The following TPH1 variants were observed in gnomAD, a reference collection of about 807,000 sequenced individuals.
TPH1 encodes the protein tryptophan 5-hydroxylase 1.
TPH1 carries 37 observed loss-of-function variants against 49.5 expected under a neutral mutation model. The ratio of observed to expected loss-of-function variants is 0.75; its 90% confidence interval spans 0.58 to 0.98. The LOEUF is 0.98. TPH1 is among the 50% of genes least tolerant of loss of function. The probability of loss-of-function intolerance (pLI) is 0.00; values close to 1 mark genes in which losing one functional copy is unlikely to be tolerated. For synonymous variants in TPH1, 160 were observed against 182.1 expected, an observed-to-expected ratio of 0.88 and a Z score of 0.98; for missense variants, 487 against 523.6, an observed-to-expected ratio of 0.93 and a Z score of 0.68.
At chr11:18,032,722 A>G (rs1848004637) in intron 4 of TPH1, among the ~76,000 whole-genome samples, 1 of 150,372 alleles carries the variant, frequency 6.7e-6, no homozygotes, top group Admixed American at 6.6e-5. Context: ...ATTTTTTTGT[A>G]TTTTTAGTAG....
intron 3 of TPH1, among the ~76,000 whole-genome samples, chr11:18,035,125 C>T (rs1006063682): frequency 3.3e-5 from 5 of 152,236 alleles, no homozygotes; most frequent in African/African-American, 1.2e-4. Flanking sequence ...TCCTAACAGG[C>T]CACGGACGAG....
At chr11:18,045,493 A>G (rs1848132760) in intron 1 of TPH1, among the ~76,000 whole-genome samples, 1 of 146,388 alleles carries the variant, frequency 6.8e-6, no homozygotes, top group Admixed American at 6.7e-5. Flanking sequence ...TTTTTTTTTT[A>G]ACTAACAGGC....
In TPH1 at chr11:18,036,081, A is replaced by C. The variant is rs773390432; in HGVS notation, c.179T>G (p.Phe60Cys). The change falls in exon 3 of 11, where the codon TTT becomes TGT. Residue 60 changes from phenylalanine (F) to cysteine (C), a missense_variant. Phe to Cys is a radical substitution (Grantham distance 205). Transcript: ENST00000682019. ...SRKSKRRNSE[F>C]EIFVDCDINR... is the part of the protein sequence containing the mutation. ...GATGTCACAGTCAACAAAAATCTCA[A>C]ATTCTGAGTTTCTTCTTTTTGATTT... 3 of 1,613,338 alleles carry C rather than the reference A, an allele frequency of 1.9e-6. No homozygotes were observed. The highest frequency in any genetic ancestry group is 2.2e-5 in the South Asian group (2 of 91,048).
intron 3 of TPH1, among the ~76,000 whole-genome samples, 159 bp downstream of exon 3, chr11:18,035,800 T>C (rs1006427765): frequency 6.6e-6 from 1 of 152,220 alleles, no homozygotes; most frequent in Non-Finnish European, 1.5e-5. Context: ...TTTTCTTTGG[T>C]ATCTGGAGCA....
At position 18,019,757 on chromosome 11, in the gene TPH1, C is replaced by T. The variant is rs761918965; in HGVS notation, c.*1234G>A. The T allele has an allele frequency of 4.4e-6, 2 of 457,208 alleles. No individual in the cohort carries two copies. Among genetic ancestry groups the T allele is most frequent in the South Asian group, 3.1e-5 (2 of 64,556 alleles). 28.3% of individuals were successfully genotyped at this position (457,208 alleles called of 1,614,324 possible). On this transcript the variant is annotated 3_prime_UTR_variant, in exon 11 of 11. Coordinates refer to ENST00000682019, the MANE Select transcript of TPH1 (RefSeq NM_004179.3). ...TTAGTGACTAGAGGGAGGAAAGGGG[C>T]AAATTAAAGAGACATAAGTTTGTAT...
At chr11:18,037,733 G>A (rs1848059928) in intron 2 of TPH1, among the ~76,000 whole-genome samples, 1 of 152,216 alleles carries the variant, frequency 6.6e-6, no homozygotes, top group Non-Finnish European at 1.5e-5. Context: ...AAGTTCATCT[G>A]GAAGAAAAAT....
intron 1 of TPH1, among the ~76,000 whole-genome samples, chr11:18,043,195 T>C (rs1848113780): frequency 1.3e-5 from 2 of 152,138 alleles, no homozygotes; most frequent in African/African-American, 4.8e-5. Flanking sequence ...CAGAGAACAG[T>C]AAAGAAAAGT....
chr11:18,024,551 T>G (rs1056031406), intron 8 of TPH1, among the ~76,000 whole-genome samples: 1 of 152,196 alleles, frequency 6.6e-6, no homozygotes, highest in Non-Finnish European at 1.5e-5. Context: ...ACAGTCTTTT[T>G]GGATAGTTGT....
rs1476520699 is a variant in TPH1, at chr11:18,019,804, T to C, written c.*1187A>G. The stretch of plus-strand genomic sequence containing the variant: ...GTATTTTGGAGTTCAGCTTCACCCA[T>C]TTATAACAGGACTGCTTACTCCCTG... On this transcript the variant is annotated 3_prime_UTR_variant, in exon 11 of 11. Coordinates refer to ENST00000682019, the MANE Select transcript of TPH1 (RefSeq NM_004179.3). 6.6e-6 allele frequency: 3 copies of C among 454,010 alleles called. No homozygotes were observed. Among genetic ancestry groups the C allele is most frequent in the African/African-American group, 4.0e-5 (2 of 50,000 alleles). 28.1% of individuals were successfully genotyped at this position (454,010 alleles called of 1,614,324 possible). A position where few individuals can be genotyped will look rare whatever the true frequency, so the allele number is the denominator to read the frequency against.
intron 9 of TPH1, 190 bp from the exon 10 acceptor site, chr11:18,023,121 G>A (rs1854382487): frequency 1.7e-6 from 1 of 584,062 alleles, no homozygotes; most frequent in African/African-American, 1.9e-5. Context: ...GCCCTTCCCT[G>A]TAAATACCCC....
At chr11:18,036,268 T>C in intron 2 of TPH1, 126 bp from the exon 3 acceptor site, 1 of 712,028 alleles carries the variant, frequency 1.4e-6, no homozygotes, top group Non-Finnish European at 2.4e-6. Flanking sequence ...GGAAAAAGAC[T>C]GTTTTTAGTG....
At chr11:18,034,031 G>A (rs1848020049) in intron 3 of TPH1, among the ~76,000 whole-genome samples, 1 of 152,050 alleles carries the variant, frequency 6.6e-6, no homozygotes, top group Admixed American at 6.5e-5. Context: ...TGTCCCCTGG[G>A]TTCCTGTGAT....
In TPH1 at chr11:18,032,537, C is replaced by CTTT. The variant is rs34366393; in HGVS notation, c.402+734_402+736dup. ...GAGGTCTACTAACACTTGTTGAAAT[C>CTTT]TTTTTTTTTTTTTTTTTTTTTTTTT... On this transcript the variant is annotated intron_variant, in intron 4 of 10. Coordinates refer to ENST00000682019, the MANE Select transcript of TPH1 (RefSeq NM_004179.3). 4.3e-4 allele frequency among the ~76,000 whole-genome samples: 37 copies of CTTT among 86,330 alleles called. 1 individual carries two copies. Among genetic ancestry groups the CTTT allele is most frequent in the African/African-American group, 4.9e-4 (9 of 18,484 alleles). 56.6% of individuals were successfully genotyped at this position (86,330 alleles called of 152,430 possible).
rs149961495 is a variant in TPH1 at position 18,023,532 on chromosome 11, T to A, written c.1026+356A>T. On this transcript the variant is annotated intron_variant, in intron 9 of 10. Coordinates refer to ENST00000682019, the MANE Select transcript of TPH1 (RefSeq NM_004179.3). ...ATCAGAAATATATCAAAATATTTCATGTGTGTGTGTATTACTAATGCAATG... is the reference window on the plus strand; with the variant it reads ...ATCAGAAATATATCAAAATATTTCAAGTGTGTGTGTATTACTAATGCAATG... 2.8e-4 allele frequency among the ~76,000 whole-genome samples: 43 copies of A among 152,098 alleles called. No homozygotes were observed. The East Asian group carries it at 8.2e-3, about 29-fold the overall frequency.
chr11:18,018,664 TCAAAAAAAAAAAAAAAAAAAAAAA>T lies in TPH1; in HGVS notation c.*2303_*2326del, dbSNP rs1854322377. Reference sequence around the variant, plus strand: ...CTGGGCGACAGAGCAAGACTCCGTCTCAAAAAAAAAAAAAAAAAAAAAAAAAAAAAAAAAAAAAAAAAAATTCCA... The same window carrying T: ...CTGGGCGACAGAGCAAGACTCCGTCTAAAAAAAAAAAAAAAAAAAATTCCA... On this transcript the variant is annotated 3_prime_UTR_variant, in exon 11 of 11. Coordinates refer to ENST00000682019, the MANE Select transcript of TPH1 (RefSeq NM_004179.3). 3.9e-5 allele frequency: 1 copy of T among 25,876 alleles called. No homozygotes were observed. The highest frequency in any genetic ancestry group is 1.6e-4 in the African/African-American group (1 of 6,370). 1.6% of individuals were successfully genotyped at this position (25,876 alleles called of 1,614,324 possible). A position where few individuals can be genotyped will look rare whatever the true frequency, so the allele number is the denominator to read the frequency against.
In TPH1 at chr11:18,024,214, G is replaced by A. The variant is rs117588734; in HGVS notation, c.931-231C>T. 1.7e-3 allele frequency among the ~76,000 whole-genome samples: 253 copies of A among 152,224 alleles called. 1 individual carries two copies. The highest frequency in any genetic ancestry group is 3.4e-3 in the Middle Eastern group (1 of 294). ...GAGGACCCCAAAGCTTTTGTTGTGC[G>A]TGTATGTGTAGGTTATCACTAGCTA... On this transcript the variant is annotated intron_variant, in intron 8 of 10. Transcript: ENST00000682019.
chr11:18,026,393 CAAAAA>C (rs57335932), intron 7 of TPH1, 92 bp downstream of exon 7: 3,792 of 579,824 alleles, frequency 6.5e-3, no homozygotes, highest in East Asian at 0.012. Flanking sequence ...CCTCGCACAC[CAAAAA>C]AAAAAAAAAA....
intron 9 of TPH1, 132 bp from the exon 10 acceptor site, chr11:18,023,063 C>T: frequency 1.0e-6 from 1 of 1,001,268 alleles, no homozygotes; most frequent in Admixed American, 2.0e-5. Context: ...AACTTATTTC[C>T]TATAGCTCTA....
At chr11:18,037,227 G>A (rs993680186) in intron 2 of TPH1, among the ~76,000 whole-genome samples, 5 of 151,964 alleles carry the variant, frequency 3.3e-5, no homozygotes, top group African/African-American at 7.2e-5. Flanking sequence ...GCGTAGTGGC[G>A]CACACCAGTA....
Sources: gnomAD v4.1 joint callset for allele counts (sites outside exome capture counted in the v4.1 genomes callset) on GRCh38, gnomAD v4.1.1 for gene constraint, MANE v1.5 for transcripts, NCBI Gene and HGNC (gene_info 2026-07-23, HGNC 2026-07-21) for gene names.